The following NRCAM variants were observed in gnomAD, a reference collection of about 807,000 sequenced individuals.
NRCAM encodes neuronal cell adhesion molecule, also known as NgCAM-related cell adhesion molecule.
NRCAM carries 83 observed loss-of-function variants against 156.5 expected under a neutral mutation model. That is an observed-to-expected ratio of 0.53 (90% CI 0.44 to 0.64). NRCAM has a LOEUF of 0.64. Among genes scored for constraint, NRCAM ranks in the 30% least tolerant of loss-of-function variants. NRCAM has a pLI of 0.00. For synonymous variants in NRCAM, 538 were observed against 563.9 expected, an observed-to-expected ratio of 0.95 and a Z score of 0.65; for missense variants, 1,417 against 1,597.3, an observed-to-expected ratio of 0.89 and a Z score of 1.92.
rs372844550 is a variant in NRCAM, at chr7:108,331,041, T to C, written c.-173-18310A>G. On this transcript the variant is annotated intron_variant, in intron 2 of 32. Coordinates refer to ENST00000379028, the MANE Select transcript of NRCAM (RefSeq NM_001037132.4). ...ATTTTAAGCACACAAAAATATTAGATGTACTTTTTTACAGAAATATTTTTT... is the reference window on the plus strand; with the variant it reads ...ATTTTAAGCACACAAAAATATTAGACGTACTTTTTTACAGAAATATTTTTT... Among the ~76,000 whole-genome samples, 46 of 152,332 alleles carry C rather than the reference T, an allele frequency of 3.0e-4. No homozygotes were observed. In the East Asian group the frequency reaches 7.7e-3, roughly 26 times the overall value.
chr7:108,388,553 C>G (rs192105127), intron 2 of NRCAM, among the ~76,000 whole-genome samples: 190 of 152,234 alleles, frequency 1.2e-3, no homozygotes, highest in African/African-American at 4.5e-3. Flanking sequence ...TGCAGAAGCT[C>G]TTTAGTTTGA....
intron 1 of NRCAM, among the ~76,000 whole-genome samples, chr7:108,454,663 A>T (rs1038688144): frequency 1.1e-4 from 16 of 152,186 alleles, no homozygotes; most frequent in African/African-American, 3.9e-4. Flanking sequence ...ATGCAGTCCC[A>T]TAAAGCAGCC....
intron 28 of NRCAM, among the ~76,000 whole-genome samples, chr7:108,173,995 C>T (rs2059521019): frequency 6.6e-6 from 1 of 152,132 alleles, no homozygotes. Context: ...GGCACAGCCA[C>T]AGTGACATGT....
intron 23 of NRCAM, 29 bp downstream of exon 23, chr7:108,182,666 G>A (rs750539253): frequency 1.3e-6 from 2 of 1,598,138 alleles, no homozygotes; most frequent in East Asian, 2.2e-5. Flanking sequence ...CTGTTTTGCT[G>A]GGGAAAAGTA....
intron 13 of NRCAM, among the ~76,000 whole-genome samples, chr7:108,199,837 T>C (rs999237323): frequency 6.6e-6 from 1 of 152,144 alleles, no homozygotes; most frequent in African/African-American, 2.4e-5. Context: ...GATGTAGACA[T>C]CATGGCGGGG....
chr7:108,420,647 A>G (rs571550271), intron 1 of NRCAM, among the ~76,000 whole-genome samples: 2 of 152,286 alleles, frequency 1.3e-5, no homozygotes, highest in South Asian at 2.1e-4. Context: ...GTGAATTTAC[A>G]TTGTGACTTG....
intron 2 of NRCAM, among the ~76,000 whole-genome samples, chr7:108,376,826 A>G (rs930494671): frequency 6.6e-6 from 1 of 152,212 alleles, no homozygotes; most frequent in Non-Finnish European, 1.5e-5. Context: ...AATGTTTACT[A>G]CCATGATCAA....
intron 3 of NRCAM, among the ~76,000 whole-genome samples, chr7:108,267,011 C>T (rs2097132549): frequency 6.6e-6 from 1 of 152,130 alleles, no homozygotes; most frequent in South Asian, 2.1e-4. Flanking sequence ...GCCAGAGTAT[C>T]AGTAATTTCT....
intron 3 of NRCAM, among the ~76,000 whole-genome samples, chr7:108,288,858 T>G (rs1377952885): frequency 6.6e-6 from 1 of 152,308 alleles, no homozygotes; most frequent in East Asian, 1.9e-4. Flanking sequence ...GTAATTTTCC[T>G]TCTTTGGAGG....
At chr7:108,304,034 T>G (rs1368942710) in intron 3 of NRCAM, among the ~76,000 whole-genome samples, 3 of 152,182 alleles carry the variant, frequency 2.0e-5, no homozygotes, top group African/African-American at 7.2e-5. Flanking sequence ...TAAATGATCA[T>G]TCATTCATGA....
intron 26 of NRCAM, among the ~76,000 whole-genome samples, chr7:108,177,159 C>T (rs1201371439): frequency 6.6e-6 from 1 of 152,048 alleles, no homozygotes; most frequent in Non-Finnish European, 1.5e-5. Context: ...ATATATTCTA[C>T]AGATATAAAG....
In NRCAM at chr7:108,448,975, G is replaced by A. The variant is rs540913794; in HGVS notation, c.-332+7268C>T. Among the ~76,000 whole-genome samples the A allele has an allele frequency of 2.8e-4, 43 of 152,250 alleles. 1 individual carries two copies. Among genetic ancestry groups the A allele is most frequent in the African/African-American group, 1.0e-3 (42 of 41,534 alleles). ...TATTTATTCAACTAGATAATAGAGG[G>A]GAAAGCCGCAGAACAGTCAGAAGAA... is the stretch of plus-strand genomic sequence containing the variant. On this transcript the variant is annotated intron_variant, in intron 1 of 32. Transcript: ENST00000379028.
intron 5 of NRCAM, among the ~76,000 whole-genome samples, chr7:108,236,772 A>T (rs1401448872): frequency 1.3e-5 from 2 of 151,966 alleles, no homozygotes; most frequent in Non-Finnish European, 2.9e-5. Flanking sequence ...AGTATATAGA[A>T]TTTGGGATAA....
At chr7:108,225,388 A>C (rs1028424897) in intron 10 of NRCAM, among the ~76,000 whole-genome samples, 1 of 152,198 alleles carries the variant, frequency 6.6e-6, no homozygotes, top group African/African-American at 2.4e-5. Flanking sequence ...GGTTTTTCCA[A>C]ATCAGTGAAA....
intron 3 of NRCAM, among the ~76,000 whole-genome samples, chr7:108,283,641 A>G (rs2097945842): frequency 6.6e-6 from 1 of 152,194 alleles, no homozygotes; most frequent in African/African-American, 2.4e-5. Context: ...CCTGGTACAG[A>G]GAATGATATT....
At chr7:108,337,762 C>T (rs1385663136) in intron 2 of NRCAM, among the ~76,000 whole-genome samples, 4 of 151,918 alleles carry the variant, frequency 2.6e-5, no homozygotes, top group African/African-American at 4.8e-5. Flanking sequence ...ATCTGGGAAG[C>T]GGCCTGCCAC....
intron 1 of NRCAM, among the ~76,000 whole-genome samples, chr7:108,407,829 T>C (rs1790362148): frequency 6.6e-6 from 1 of 152,192 alleles, no homozygotes; most frequent in South Asian, 2.1e-4. Context: ...AATTGTCCAT[T>C]TTAAGTATGT....
chr7:108,211,167 T>TGGAGCTGAGTCAATTTAG (rs553528206), intron 11 of NRCAM, among the ~76,000 whole-genome samples: 87 of 152,168 alleles, frequency 5.7e-4, no homozygotes, highest in African/African-American at 1.4e-3. Flanking sequence ...TGACTTTACC[T>TGGAGCTGAGTCAATTTAG]GGAGCTGAGT....
chr7:108,189,378 G>T (rs1365869152), intron 20 of NRCAM, among the ~76,000 whole-genome samples: 2 of 152,198 alleles, frequency 1.3e-5, no homozygotes, highest in African/African-American at 4.8e-5. Context: ...TATTTAAAGT[G>T]ATTTTTATGG....
Sources: allele counts gnomAD v4.1 joint callset (sites outside exome capture counted in the v4.1 genomes callset), GRCh38; gene constraint gnomAD v4.1.1; transcripts MANE v1.5; gene names NCBI Gene and HGNC (gene_info 2026-07-23, HGNC 2026-07-21).